The following TYW1 variants were observed in gnomAD, a reference collection of about 807,000 sequenced individuals.
The protein encoded by TYW1 is S-adenosyl-L-methionine-dependent tRNA 4-demethylwyosine synthase TYW1.
Under a neutral mutation model 96.2 loss-of-function variants are expected in TYW1, and 46 were observed. That is an observed-to-expected ratio of 0.48 (90% CI 0.38 to 0.61). The LOEUF is 0.61. Among genes scored for constraint, TYW1 ranks in the 20% least tolerant of loss-of-function variants. TYW1 has a pLI of 0.00. For synonymous variants in TYW1, 274 were observed against 323.0 expected (o/e 0.85, Z 1.63); for missense variants, 684 against 909.6 (o/e 0.75, Z 3.19).
rs562536262 is a variant in TYW1, at chr7:67,174,992, A to G, written c.1699-8134A>G. On this transcript the variant is annotated intron_variant, in intron 13 of 15. Transcript: ENST00000359626. ...ATCTACATGGACTTATAATTGTTAAATAAATTGCTTTTTTAAATTTAAAAC... is the reference window on the plus strand; with the variant it reads ...ATCTACATGGACTTATAATTGTTAAGTAAATTGCTTTTTTAAATTTAAAAC... 2.7e-4 allele frequency among the ~76,000 whole-genome samples: 41 copies of G among 151,842 alleles called. 1 individual carries two copies. In the South Asian group the frequency reaches 5.2e-3, roughly 19 times the overall value.
intron 3 of TYW1, among the ~76,000 whole-genome samples, chr7:67,001,454 G>A (rs544226007): frequency 1.5e-4 from 22 of 150,838 alleles, no homozygotes; most frequent in African/African-American, 5.1e-4. Flanking sequence ...ATGGAGCCTC[G>A]CTGTGTCGCC....
chr7:67,152,568 C>T (rs62464968), intron 13 of TYW1, among the ~76,000 whole-genome samples: 6,111 of 152,228 alleles, frequency 0.04, 177 homozygotes, highest in Middle Eastern at 0.1. Flanking sequence ...TTGAACTCAA[C>T]GTGCTGCTTA....
At chr7:67,085,580 A>G (rs1796523371) in intron 11 of TYW1, among the ~76,000 whole-genome samples, 1 of 152,204 alleles carries the variant, frequency 6.6e-6, no homozygotes, top group Non-Finnish European at 1.5e-5. Context: ...TTATAGCAGT[A>G]TGAAAATGGG....
chr7:67,016,660 G>A (rs555645790), intron 5 of TYW1, among the ~76,000 whole-genome samples: 1 of 152,232 alleles, frequency 6.6e-6, no homozygotes, highest in African/African-American at 2.4e-5. Context: ...TTTTTTGAGA[G>A]AGGGTCTCAC....
At chr7:67,227,448 A>G (rs565989149) in intron 15 of TYW1, among the ~76,000 whole-genome samples, 3 of 152,130 alleles carry the variant, frequency 2.0e-5, no homozygotes, top group South Asian at 2.1e-4. Flanking sequence ...GTAGAGACGG[A>G]GTTTCACCAT....
chr7:67,118,785 TG>T (rs1329453949), intron 13 of TYW1, among the ~76,000 whole-genome samples: 1 of 139,848 alleles, frequency 7.2e-6, no homozygotes. Context: ...GAGGCTAAGG[TG>T]GGAGAATCAC....
At chr7:67,103,741 A>G (rs1000919349) in intron 12 of TYW1, among the ~76,000 whole-genome samples, 1 of 152,246 alleles carries the variant, frequency 6.6e-6, no homozygotes, top group African/African-American at 2.4e-5. Flanking sequence ...CACAGAGGCC[A>G]TGTATTTTGG....
At chr7:67,036,505 GAA>G (rs1794847157) in intron 7 of TYW1, among the ~76,000 whole-genome samples, 1 of 152,180 alleles carries the variant, frequency 6.6e-6, no homozygotes, top group African/African-American at 2.4e-5. Context: ...TACAGAAATG[GAA>G]AGAGTGTGAC....
intron 13 of TYW1, among the ~76,000 whole-genome samples, chr7:67,122,523 A>G (rs1352721737): frequency 6.6e-6 from 1 of 152,264 alleles, no homozygotes; most frequent in African/African-American, 2.4e-5. Flanking sequence ...GAAATTACCT[A>G]TAATTCCAGG....
chr7:67,010,882 C>T (rs549798303), intron 4 of TYW1, among the ~76,000 whole-genome samples: 1 of 152,094 alleles, frequency 6.6e-6, no homozygotes, highest in Non-Finnish European at 1.5e-5. Context: ...CCAGCCCTCC[C>T]CGCTATTTTG....
At chr7:67,098,816 T>G in intron 12 of TYW1, 98 bp downstream of exon 12, 6 of 1,303,256 alleles carry the variant, frequency 4.6e-6, no homozygotes, top group Non-Finnish European at 5.2e-6. Context: ...GATTTATTGA[T>G]TACTTACTAC....
intron 12 of TYW1, among the ~76,000 whole-genome samples, chr7:67,101,039 C>T (rs1264272078): frequency 6.6e-6 from 1 of 152,072 alleles, no homozygotes; most frequent in African/African-American, 2.4e-5. Flanking sequence ...TGTACTGCTT[C>T]TGTGTCTCTT....
chr7:67,046,809 CTT>C (rs554717441), intron 7 of TYW1, among the ~76,000 whole-genome samples: 32 of 152,322 alleles, frequency 2.1e-4, no homozygotes, highest in Middle Eastern at 3.4e-3. Context: ...GTGCTCAAGA[CTT>C]TTAATCATTG....
chr7:67,054,710 G>C (rs1417027157), intron 8 of TYW1, among the ~76,000 whole-genome samples: 2 of 152,122 alleles, frequency 1.3e-5, no homozygotes, highest in Non-Finnish European at 2.9e-5. Flanking sequence ...TTATTTGCCT[G>C]CAAGAGTCTT....
At chr7:67,078,585 A>G (rs1197225802) in intron 10 of TYW1, among the ~76,000 whole-genome samples, 2 of 152,316 alleles carry the variant, frequency 1.3e-5, no homozygotes, top group East Asian at 3.9e-4. Flanking sequence ...GTGGTATGAT[A>G]ACTTTAACTA....
intron 7 of TYW1, among the ~76,000 whole-genome samples, chr7:67,039,732 C>T (rs10950059): frequency 0.29 from 42,837 of 148,192 alleles, 6,365 homozygotes; most frequent in East Asian, 0.47. Context: ...GGCGCGATCT[C>T]GGCTCACTGC....
intron 13 of TYW1, among the ~76,000 whole-genome samples, chr7:67,166,606 T>C (rs1965479): frequency 0.28 from 41,865 of 150,950 alleles, 6,362 homozygotes; most frequent in African/African-American, 0.4. Context: ...TGGTTTTGAA[T>C]GTTGTGGAAT....
intron 14 of TYW1, among the ~76,000 whole-genome samples, chr7:67,184,647 A>ATTTTAT (rs1554387587): frequency 8.6e-4 from 23 of 26,696 alleles, no homozygotes; most frequent in African/African-American, 3.0e-3. Context: ...ATTTTATTTT[A>ATTTTAT]TTTATGTTAT....
At chr7:67,174,649 T>C (rs1799615165) in intron 13 of TYW1, among the ~76,000 whole-genome samples, 1 of 151,132 alleles carries the variant, frequency 6.6e-6, no homozygotes, top group Admixed American at 6.6e-5. Context: ...ATAGAGTAAG[T>C]ACTTGGAAGG....
Sources: allele counts gnomAD v4.1 joint callset (sites outside exome capture counted in the v4.1 genomes callset), GRCh38; gene constraint gnomAD v4.1.1; transcripts MANE v1.5; gene names NCBI Gene and HGNC (gene_info 2026-07-23, HGNC 2026-07-21).